Variants in DNAH1 observed in about 807,000 individuals in gnomAD.
DNAH1 encodes the protein dynein axonemal heavy chain 1, also known as axonemal beta dynein heavy chain 1.
Under a neutral mutation model 484.3 loss-of-function variants are expected in DNAH1, and 327 were observed. The observed-to-expected ratio is 0.68, with a 90% CI of 0.62 to 0.74. DNAH1 has a LOEUF of 0.74. DNAH1 is among the 30% of genes least tolerant of loss of function. The probability of loss-of-function intolerance (pLI) is 0.00; values close to 1 mark genes in which losing one functional copy is unlikely to be tolerated. For missense variants in DNAH1, 5,052 were observed against 5,546.8 expected (o/e 0.91, Z 2.83); for synonymous variants, 2,192 against 2,191.9 (o/e 1.00, Z 0.00).
At chr3:52,400,216 G>A in intron 77 of DNAH1, 109 bp from the exon 78 acceptor site, 1 of 1,487,550 alleles carries the variant, frequency 6.7e-7, no homozygotes, top group Non-Finnish European at 9.2e-7. Context: ...CTTGGGTCAG[G>A]GCCCCCTCCC....
Position 52,358,413 on chromosome 3 carries a change from C to A in DNAH1, c.4087-145C>A. On this transcript the variant is annotated intron_variant, in intron 24 of 77. Transcript: ENST00000420323. This position sits in a 1 kb window ranked among gnomAD's most constrained non-coding sequence, Gnocchi z 4.2. ...GGCCATCCAGCCTGGGAAGGCCCAG[C>A]CAAGATAGACTCTCGGGGGGACGGG... 1.1e-6 allele frequency: 1 copy of A among 939,274 alleles called. No homozygotes were observed. The highest frequency in any genetic ancestry group is 1.5e-6 in the Non-Finnish European group (1 of 648,110). The allele number at this position is 939,274 out of a possible 1,614,324, so 58.2% of individuals were successfully genotyped here.
Position 52,369,842 on chromosome 3 carries a change from C to A in DNAH1, c.5961C>A (p.Phe1987Leu). Residue 1987 changes from phenylalanine to leucine, a missense_variant, in exon 38 of 78, where the codon TTC (phenylalanine) becomes TTA (leucine). Physicochemically the swap from Phe to Leu is conservative, Grantham distance 22. This residue lies in a region of DNAH1 where 2,929 missense variants were observed against 3,409.4 expected (regional missense o/e 0.86). Transcript: ENST00000420323. ...IKLTEAMTMMFEVQDLAVASP... is the reference protein window; with the variant it reads ...IKLTEAMTMMLEVQDLAVASP... ...GGCACCAGGCAATGACCATGATGTT[C>A]GAGGTGCAAGACCTGGCGGTGGCTT... The A allele has an allele frequency of 1.2e-6, 2 of 1,609,412 alleles. No homozygotes were observed. Among genetic ancestry groups the A allele is most frequent in the South Asian group, 2.2e-5 (2 of 90,838 alleles).
intron 45 of DNAH1, 39 bp downstream of exon 45, chr3:52,375,452 GC>G: frequency 1.9e-6 from 3 of 1,592,780 alleles, no homozygotes; most frequent in Admixed American, 1.7e-5. Context: ...AAAGGCAGAA[GC>G]CCAGGCCAGG....
intron 2 of DNAH1, 84 bp downstream of exon 2, chr3:52,322,859 G>A (rs1336862307): frequency 1.7e-6 from 2 of 1,209,368 alleles, no homozygotes; most frequent in East Asian, 2.5e-5. Flanking sequence ...CTCCCCATCA[G>A]TCAGTCCATC....
chr3:52,393,453 C>T lies in DNAH1; in HGVS notation c.10594C>T (p.Arg3532Cys), dbSNP rs759716748. The change falls in exon 66 of 78, where the codon CGC (arginine) becomes TGC (cysteine). Residue 3532 changes from arginine to cysteine, a missense_variant. By Grantham distance (180) the Arg-to-Cys change is radical. Around this residue, in one of 4 missense-constraint regions of DNAH1, gnomAD observed 2,929 missense variants for 3,409.4 expected, o/e 0.86. Coordinates refer to ENST00000420323, the MANE Select transcript of DNAH1 (RefSeq NM_015512.5). Reference sequence around the variant, plus strand: ...GATGTTTGCCTTCCTGCTGTGTGTTCGCATCATGATGAACGAGGGCAAAAT... The same window carrying T: ...GATGTTTGCCTTCCTGCTGTGTGTTTGCATCATGATGAACGAGGGCAAAAT... ...KLMFAFLLCV[R>C]IMMNEGKINQ... The T allele has an allele frequency of 6.6e-5, 107 of 1,613,880 alleles. No homozygotes were observed. In the Admixed American group the frequency reaches 1.5e-3, roughly 22 times the overall value.
In DNAH1 at chr3:52,346,748, G is replaced by C. The variant is rs761716658; in HGVS notation, c.1933G>C (p.Asp645His). Residue 645 changes from aspartate to histidine, a missense_variant, in exon 11 of 78, where the codon GAC (aspartate) becomes CAC (histidine). This residue lies in a region of DNAH1 where 1,263 missense variants were observed against 1,218.8 expected (regional missense o/e 1.04). Coordinates refer to ENST00000420323, the MANE Select transcript of DNAH1 (RefSeq NM_015512.5). ...CACCGATGACATGGTCTGGGGTGAC[G>C]ACTTAATTAACAGCCCCTACAGGTG... ...NCTDDMVWGD[D>H]LINSPYRPRK... 1 of 1,606,820 alleles carries C rather than the reference G, an allele frequency of 6.2e-7. No homozygotes were observed. The highest frequency in any genetic ancestry group is 1.3e-5 in the African/African-American group (1 of 74,930).
At chr3:52,380,973 A>C (rs1219043117) in intron 48 of DNAH1, among the ~76,000 whole-genome samples, 4 of 152,230 alleles carry the variant, frequency 2.6e-5, no homozygotes, top group Non-Finnish European at 5.9e-5. Context: ...GTATGTGTGC[A>C]ACAAGGGAGT....
At position 52,323,817 on chromosome 3, in the gene DNAH1, CGTG is replaced by C; in HGVS notation, c.345_347del (p.Gly116del). On this transcript the variant is annotated inframe_deletion, in exon 3 of 78. Coordinates refer to ENST00000420323, the MANE Select transcript of DNAH1 (RefSeq NM_015512.5). ...CATGGTTTGGTTTCAGGAGGTATGT[CGTG>C]GCCCCCGAATGAGCCAGAACCTCCT... 2 of 1,590,400 alleles carry C rather than the reference CGTG, an allele frequency of 1.3e-6. No homozygotes were observed. Among genetic ancestry groups the C allele is most frequent in the Non-Finnish European group, 1.7e-6 (2 of 1,168,268 alleles).
Position 52,380,002 on chromosome 3 carries a change from T to A in DNAH1, c.7475T>A (p.Leu2492His). 3 of 1,592,376 alleles carry A rather than the reference T, an allele frequency of 1.9e-6. No individual in the cohort carries two copies. Among genetic ancestry groups the A allele is most frequent in the South Asian group, 1.1e-5 (1 of 87,348 alleles). ...NEEDRSWFDQLLKRCMEQWEV... is the reference protein window; with the variant it reads ...NEEDRSWFDQHLKRCMEQWEV... ...GAGGACCGCAGCTGGTTCGACCAGC[T>A]CCTCAAGCGCTGCATGGAGCAGTGG... Residue 2492 changes from leucine (L) to histidine (H), a missense_variant, in exon 48 of 78, where the codon CTC becomes CAC. Around this residue, in one of 4 missense-constraint regions of DNAH1, gnomAD observed 2,929 missense variants for 3,409.4 expected, o/e 0.86. Coordinates refer to ENST00000420323, the MANE Select transcript of DNAH1 (RefSeq NM_015512.5).
Position 52,384,783 on chromosome 3 carries a change from C to G in DNAH1, c.8323-3C>G, listed in dbSNP as rs374202871. On this transcript the variant is annotated splice_polypyrimidine_tract_variant and splice_region_variant and intron_variant, in intron 52 of 77. Transcript: ENST00000420323. ...GCCGGCATCCATGGTCTTCCTCCCCCAGATCCAGGTCTGTGTGTACATCCA... is the reference window on the plus strand; with the variant it reads ...GCCGGCATCCATGGTCTTCCTCCCCGAGATCCAGGTCTGTGTGTACATCCA... 14 of 1,597,834 alleles carry G rather than the reference C, an allele frequency of 8.8e-6. No individual in the cohort carries two copies. The highest frequency in any genetic ancestry group is 1.1e-5 in the Non-Finnish European group (13 of 1,171,874).
rs189262539 is a variant in DNAH1 at position 52,393,715 on chromosome 3, C to T, written c.10626+230C>T. 2.3e-4 allele frequency among the ~76,000 whole-genome samples: 35 copies of T among 152,256 alleles called. No individual in the cohort carries two copies. In the East Asian group the frequency reaches 6.2e-3, roughly 27 times the overall value. ...GATGGATCACTTGAGGCCAGGAGTT[C>T]AAGACCACCCTGGTCTCTACTAAAA... On this transcript the variant is annotated intron_variant, in intron 66 of 77. Coordinates refer to ENST00000420323, the MANE Select transcript of DNAH1 (RefSeq NM_015512.5).
At chr3:52,369,731 C>T (rs1703242609) in intron 37 of DNAH1, 94 bp from the exon 38 acceptor site, 3 of 1,375,194 alleles carry the variant, frequency 2.2e-6, no homozygotes, top group South Asian at 1.4e-5. Flanking sequence ...CGCCCACTTA[C>T]AGGATGTGCA....
intron 34 of DNAH1, among the ~76,000 whole-genome samples, chr3:52,365,283 C>T (rs1269340367): frequency 6.6e-6 from 1 of 152,202 alleles, no homozygotes; most frequent in Admixed American, 6.5e-5. Flanking sequence ...GAGCCCCGAG[C>T]TCCTCTTGGG....
rs1037821308 is a variant in DNAH1 at position 52,353,751 on chromosome 3, G to A, written c.3480+118G>A. Reference sequence around the variant, plus strand: ...GACAGTAATAAGCCCCATCCCTGGGGTCATGAGGCCCAGGGGTTGAGATGC... The same window carrying A: ...GACAGTAATAAGCCCCATCCCTGGGATCATGAGGCCCAGGGGTTGAGATGC... On this transcript the variant is annotated intron_variant, in intron 20 of 77. Transcript: ENST00000420323. This position sits in a 1 kb window ranked among gnomAD's most constrained non-coding sequence, Gnocchi z 5.0. 2 of 1,379,288 alleles carry A rather than the reference G, an allele frequency of 1.5e-6. No homozygotes were observed. Among genetic ancestry groups the A allele is most frequent in the Non-Finnish European group, 2.0e-6 (2 of 1,017,594 alleles). 85.4% of individuals were successfully genotyped at this position (1,379,288 alleles called of 1,614,324 possible).
Position 52,380,250 on chromosome 3 carries a change from C to G in DNAH1, c.7608+115C>G. The G allele has an allele frequency of 3.2e-6, 3 of 928,542 alleles. No individual in the cohort carries two copies. The South Asian group carries it at 5.1e-5, about 16-fold the overall frequency. The allele number at this position is 928,542 out of a possible 1,614,324, so 57.5% of individuals were successfully genotyped here. ...AGACTACCACACTATAACCAGGGGG[C>G]CAGGACGCGGGGTAAGACAGCCAGC... On this transcript the variant is annotated intron_variant, in intron 48 of 77. Coordinates refer to ENST00000420323, the MANE Select transcript of DNAH1 (RefSeq NM_015512.5).
chr3:52,347,973 A>G lies in DNAH1; in HGVS notation c.2105A>G (p.Lys702Arg). 1 of 1,607,246 alleles carries G rather than the reference A, an allele frequency of 6.2e-7. No homozygotes were observed. Among genetic ancestry groups the G allele is most frequent in the South Asian group, 1.1e-5 (1 of 89,574 alleles). ...LATHAVPQLE[K>R]LVMEDIFISG... Reference sequence around the variant, plus strand: ...ACCCATGCCGTGCCCCAGCTGGAGAAGGTACGTGCTGCAGCCTGAGCAGGC... The same window carrying G: ...ACCCATGCCGTGCCCCAGCTGGAGAGGGTACGTGCTGCAGCCTGAGCAGGC... Residue 702 changes from lysine to arginine, a missense_variant and splice_region_variant, in exon 12 of 78, where the codon AAG becomes AGG. Lys to Arg is a conservative substitution (Grantham distance 26). Transcript: ENST00000420323.
chr3:52,398,705 T>C, intron 75 of DNAH1, 145 bp from the exon 76 acceptor site: 1 of 658,704 alleles, frequency 1.5e-6, no homozygotes, highest in Non-Finnish European at 2.4e-6. Context: ...AGCTGGGATT[T>C]GTACCCAGGC....
intron 8 of DNAH1, among the ~76,000 whole-genome samples, chr3:52,333,278 T>G (rs144896658): frequency 1.9e-3 from 290 of 152,294 alleles, no homozygotes; most frequent in African/African-American, 6.7e-3. Context: ...GCTTTGAGAC[T>G]CCCACAGCAG....
intron 5 of DNAH1, among the ~76,000 whole-genome samples, chr3:52,327,285 G>A (rs866601095): frequency 1.3e-5 from 2 of 152,120 alleles, no homozygotes; most frequent in African/African-American, 2.4e-5. Flanking sequence ...GGGAATCAGT[G>A]CCACCCCCGT....
Sources: allele counts gnomAD v4.1 joint callset (sites outside exome capture counted in the v4.1 genomes callset), GRCh38; gene constraint gnomAD v4.1.1; regional missense constraint gnomAD v4.1.1; non-coding constraint Gnocchi (gnomAD v3.1); transcripts MANE v1.5; gene names NCBI Gene and HGNC (gene_info 2026-07-23, HGNC 2026-07-21).